DNAH12: variants seen among roughly 807,000 people sequenced by gnomAD.
DNAH12 encodes the protein axonemal beta dynein heavy chain 12.
Under a neutral mutation model 371.5 loss-of-function variants are expected in DNAH12, and 285 were observed. The ratio of observed to expected loss-of-function variants is 0.77; its 90% confidence interval spans 0.70 to 0.85. DNAH12 has a LOEUF of 0.85. Among genes scored for constraint, DNAH12 ranks in the 40% least tolerant of loss-of-function variants. The pLI is 0.00. For synonymous variants in DNAH12, 1,200 were observed against 1,213.0 expected, an observed-to-expected ratio of 0.99 and a Z score of 0.22; for missense variants, 3,611 against 3,689.4, an observed-to-expected ratio of 0.98 and a Z score of 0.55.
intron 44 of DNAH12, among the ~76,000 whole-genome samples, chr3:57,392,455 T>C (rs2063645044): frequency 1.3e-5 from 2 of 152,064 alleles, no homozygotes; most frequent in Non-Finnish European, 2.9e-5. Context: ...AATAATAAAT[T>C]GGTGTCTCAT....
At chr3:57,313,872 A>C (rs2061631792) in intron 66 of DNAH12, among the ~76,000 whole-genome samples, 1 of 152,142 alleles carries the variant, frequency 6.6e-6, no homozygotes, top group African/African-American at 2.4e-5. Flanking sequence ...CCTGCAATAG[A>C]CTAGAGTCTA....
chr3:57,418,969 G>A (rs1271849725), intron 37 of DNAH12, among the ~76,000 whole-genome samples: 1 of 152,208 alleles, frequency 6.6e-6, no homozygotes, highest in African/African-American at 2.4e-5. Context: ...ATGGAATCCA[G>A]AACTGGCATA....
chr3:57,379,807 C>T (rs982460694), intron 51 of DNAH12, among the ~76,000 whole-genome samples: 16 of 129,662 alleles, frequency 1.2e-4, no homozygotes, highest in Non-Finnish European at 2.3e-4. Context: ...CGCCACTGCA[C>T]TCCAGCCTGG....
At chr3:57,351,696 A>AAT (rs1172153126) in intron 60 of DNAH12, among the ~76,000 whole-genome samples, 228 of 152,078 alleles carry the variant, frequency 1.5e-3, no homozygotes, top group African/African-American at 5.0e-3. Flanking sequence ...TCATATATGT[A>AAT]ATATATATAT....
At chr3:57,452,262 C>T (rs527445733) in intron 25 of DNAH12, among the ~76,000 whole-genome samples, 1 of 152,174 alleles carries the variant, frequency 6.6e-6, no homozygotes, top group African/African-American at 2.4e-5. Context: ...AAGTATGTCC[C>T]ATGCAATATT....
intron 4 of DNAH12, among the ~76,000 whole-genome samples, chr3:57,513,071 G>C (rs2068055257): frequency 6.6e-6 from 1 of 151,596 alleles, no homozygotes; most frequent in Admixed American, 6.6e-5. Flanking sequence ...CCAGGAAGCG[G>C]AGATTGCAGT....
chr3:57,371,941 C>CAAAAAAAAAAAAAAAAAAAAA (rs1169602185), intron 55 of DNAH12, among the ~76,000 whole-genome samples: 12 of 25,858 alleles, frequency 4.6e-4, no homozygotes, highest in African/African-American at 6.7e-4. Flanking sequence ...CTAAACTCAG[C>CAAAAAAAAAAAAAAAAAAAAA]AAAAAAAAAA....
chr3:57,423,181 A>G (rs1020500972), intron 35 of DNAH12, among the ~76,000 whole-genome samples: 1 of 152,188 alleles, frequency 6.6e-6, no homozygotes, highest in African/African-American at 2.4e-5. Flanking sequence ...TCACCTAGAT[A>G]TCAATCTGTA....
chr3:57,474,548 G>A (rs1425511428), intron 13 of DNAH12, among the ~76,000 whole-genome samples: 5 of 152,192 alleles, frequency 3.3e-5, no homozygotes, highest in South Asian at 4.2e-4. Context: ...CACCCACGTC[G>A]GCCTCCCACA....
In DNAH12 at chr3:57,334,952, A is replaced by G; in HGVS notation, c.9675-12T>C. 6.5e-7 allele frequency: 1 copy of G among 1,538,358 alleles called. No homozygotes were observed. The highest frequency in any genetic ancestry group is 8.7e-7 in the Non-Finnish European group (1 of 1,143,530). ...TCTCTTTCCTTGCCCTGTATTCCCA[A>G]AATAAGGACTGTTATATAATTGTTG... On this transcript the variant is annotated splice_polypyrimidine_tract_variant and intron_variant, in intron 60 of 73. Coordinates refer to ENST00000495027, the MANE Select transcript of DNAH12 (RefSeq NM_001366028.2).
intron 2 of DNAH12, among the ~76,000 whole-genome samples, chr3:57,528,878 T>TA (rs2068742176): frequency 6.6e-6 from 1 of 151,916 alleles, no homozygotes; most frequent in Admixed American, 6.6e-5. Flanking sequence ...TCGCTCACTG[T>TA]AACCTCTGCC....
chr3:57,518,213 A>G (rs1476137739), intron 4 of DNAH12, among the ~76,000 whole-genome samples: 1 of 151,834 alleles, frequency 6.6e-6, no homozygotes, highest in Non-Finnish European at 1.5e-5. Context: ...AGTGCTCGAT[A>G]TCATAGTAGT....
chr3:57,399,832 T>C (rs1269865497), intron 43 of DNAH12, among the ~76,000 whole-genome samples: 3 of 152,214 alleles, frequency 2.0e-5, no homozygotes. Flanking sequence ...GTTTCTTCCT[T>C]AGGATTTTTT....
At chr3:57,476,276 T>C (rs1429828155) in intron 13 of DNAH12, among the ~76,000 whole-genome samples, 1 of 152,002 alleles carries the variant, frequency 6.6e-6, no homozygotes, top group African/African-American at 2.4e-5. Context: ...ACTATAAAAA[T>C]CAGAATAGGC....
At position 57,500,240 on chromosome 3, in the gene DNAH12, C is replaced by T. The variant is rs1449518678; in HGVS notation, c.1335+1081G>A. Among the ~76,000 whole-genome samples the T allele has an allele frequency of 2.0e-5, 3 of 152,118 alleles. No homozygotes were observed. In the East Asian group the frequency reaches 5.8e-4, roughly 29 times the overall value. ...ATTTTTAGTAGAGATGGGGTTTCGC[C>T]ATGTTGGCCAGGCTGGTCTCGAACT... On this transcript the variant is annotated intron_variant, in intron 11 of 73. Coordinates refer to ENST00000495027, the MANE Select transcript of DNAH12 (RefSeq NM_001366028.2).
intron 2 of DNAH12, among the ~76,000 whole-genome samples, chr3:57,529,872 G>A (rs2068781212): frequency 6.6e-6 from 1 of 151,950 alleles, no homozygotes; most frequent in African/African-American, 2.4e-5. Flanking sequence ...GACACTTATA[G>A]CTATAAATTT....
intron 22 of DNAH12, among the ~76,000 whole-genome samples, chr3:57,457,479 C>T (rs114413466): frequency 0.026 from 3,929 of 152,250 alleles, 71 homozygotes; most frequent in Non-Finnish European, 0.034. Flanking sequence ...GACCTTCCCC[C>T]ATTCTAAATT....
intron 60 of DNAH12, among the ~76,000 whole-genome samples, chr3:57,350,262 C>A (rs1481491835): frequency 2.0e-5 from 3 of 152,088 alleles, no homozygotes; most frequent in Non-Finnish European, 2.9e-5. Flanking sequence ...CAAACACCAC[C>A]AGTTCCCCCA....
chr3:57,314,696 G>A, intron 65 of DNAH12, 65 bp from the exon 66 acceptor site: 3 of 1,443,708 alleles, frequency 2.1e-6, no homozygotes, highest in Non-Finnish European at 1.8e-6. Flanking sequence ...TAAAATGAGA[G>A]GAATAGATAA....
Sources: gnomAD v4.1 joint callset for allele counts (sites outside exome capture counted in the v4.1 genomes callset) on GRCh38, gnomAD v4.1.1 for gene constraint, MANE v1.5 for transcripts, NCBI Gene and HGNC (gene_info 2026-07-23, HGNC 2026-07-21) for gene names.